The following MTUS2 variants were observed in gnomAD, a reference collection of about 807,000 sequenced individuals.
The protein encoded by MTUS2 is microtubule associated scaffold protein 2, also known as microtubule-associated tumor suppressor candidate 2.
In MTUS2, 40 loss-of-function variants were observed where a neutral mutation model predicts 114.1. The observed-to-expected ratio is 0.35, with a 90% CI of 0.27 to 0.46. MTUS2 has a LOEUF of 0.46. Ranked by LOEUF, MTUS2 falls within the 20% of genes least tolerant of loss-of-function variation. MTUS2 has a pLI of 1.00. For synonymous variants in MTUS2, 688 were observed against 672.0 expected (o/e 1.02, Z -0.37); for missense variants, 1,679 against 1,705.4 (o/e 0.98, Z 0.27).
At chr13:29,002,989 G>A (rs761433028) in intron 2 of MTUS2, among the ~76,000 whole-genome samples, 9 of 152,128 alleles carry the variant, frequency 5.9e-5, no homozygotes, top group African/African-American at 4.8e-5. Context: ...CTCCAATTGC[G>A]CACCAACCCT....
intron 2 of MTUS2, among the ~76,000 whole-genome samples, chr13:29,014,122 C>G (rs1885968391): frequency 6.6e-6 from 1 of 152,106 alleles, no homozygotes. Context: ...TTCTCGCCTC[C>G]CTAACCCAGG....
At chr13:29,403,614 A>G (rs1874518414) in intron 8 of MTUS2, among the ~76,000 whole-genome samples, 2 of 152,340 alleles carry the variant, frequency 1.3e-5, no homozygotes, top group African/African-American at 4.8e-5. Flanking sequence ...AGGCTGAGGA[A>G]GAGAGAACTG....
At chr13:29,045,533 A>T (rs1887574403) in intron 4 of MTUS2, among the ~76,000 whole-genome samples, 1 of 152,174 alleles carries the variant, frequency 6.6e-6, no homozygotes, top group African/African-American at 2.4e-5. Flanking sequence ...CAGGGTATGT[A>T]CATGAAGGGG....
At chr13:29,196,603 T>C (rs1894713856) in intron 5 of MTUS2, among the ~76,000 whole-genome samples, 1 of 152,144 alleles carries the variant, frequency 6.6e-6, no homozygotes, top group Admixed American at 6.6e-5. Flanking sequence ...CTTTTACACA[T>C]GAAACACTAA....
At chr13:28,924,573 G>A (rs542710056) in intron 2 of MTUS2, among the ~76,000 whole-genome samples, 2 of 152,166 alleles carry the variant, frequency 1.3e-5, no homozygotes, top group Non-Finnish European at 2.9e-5. Context: ...AAATCTACGT[G>A]CATAGGGAAT....
rs376683968 is a variant in MTUS2, at chr13:29,380,108, A to G, written c.3117+20635A>G. Among the ~76,000 whole-genome samples, 5 of 152,256 alleles carry G rather than the reference A, an allele frequency of 3.3e-5. No individual in the cohort carries two copies. In the East Asian group the frequency reaches 7.8e-4, roughly 24 times the overall value. On this transcript the variant is annotated intron_variant, in intron 8 of 15. Coordinates refer to ENST00000612955, the MANE Select transcript of MTUS2 (RefSeq NM_001033602.4). ...TGATGAGTGGCAGCACCAGGACTGG[A>G]AGGTGGCTGACTGTCACCCTGTGCT...
At chr13:29,358,472 C>T (rs1375645568) in intron 7 of MTUS2, among the ~76,000 whole-genome samples, 2 of 152,220 alleles carry the variant, frequency 1.3e-5, no homozygotes, top group East Asian at 1.9e-4. Flanking sequence ...AGGGCTTTGC[C>T]GGCCATGGTA....
chr13:29,051,438 T>C (rs1887892178), intron 4 of MTUS2, among the ~76,000 whole-genome samples: 1 of 152,160 alleles, frequency 6.6e-6, no homozygotes, highest in Non-Finnish European at 1.5e-5. Flanking sequence ...GAGGTAATTA[T>C]GAGTCAGGGG....
At chr13:29,182,628 G>A (rs1894054590) in intron 5 of MTUS2, among the ~76,000 whole-genome samples, 1 of 152,192 alleles carries the variant, frequency 6.6e-6, no homozygotes, top group African/African-American at 2.4e-5. Flanking sequence ...AAAAACGTTT[G>A]CCTTTGTCAA....
intron 2 of MTUS2, among the ~76,000 whole-genome samples, chr13:28,912,102 T>C (rs555531036): frequency 4.3e-4 from 66 of 152,216 alleles, no homozygotes; most frequent in African/African-American, 1.5e-3. Context: ...AATGGTATTT[T>C]CTAGGTTTTC....
At chr13:29,477,063 C>T (rs1489803333) in intron 9 of MTUS2, 2 of 152,194 alleles carry the variant, frequency 1.3e-5, no homozygotes, top group Non-Finnish European at 2.9e-5. Flanking sequence ...GAGCACTTTG[C>T]AGACAGGCCC....
At chr13:28,992,513 A>G (rs1484114858) in intron 2 of MTUS2, among the ~76,000 whole-genome samples, 4 of 152,132 alleles carry the variant, frequency 2.6e-5, no homozygotes, top group Non-Finnish European at 5.9e-5. Flanking sequence ...AGGGAGATTT[A>G]CAGCATTGCA....
chr13:29,495,021 C>A (rs564140846), intron 12 of MTUS2, among the ~76,000 whole-genome samples: 1 of 151,430 alleles, frequency 6.6e-6, no homozygotes, highest in East Asian at 2.0e-4. Flanking sequence ...CCTGTCTCTA[C>A]CAAAAATACA....
intron 5 of MTUS2, among the ~76,000 whole-genome samples, chr13:29,258,384 A>G (rs1019167304): frequency 6.6e-6 from 1 of 150,926 alleles, no homozygotes; most frequent in African/African-American, 2.5e-5. Flanking sequence ...TTCCAGGAGG[A>G]AAAAAAAATG....
intron 8 of MTUS2, among the ~76,000 whole-genome samples, chr13:29,406,250 C>T (rs1212990313): frequency 6.6e-6 from 1 of 152,134 alleles, no homozygotes; most frequent in Non-Finnish European, 1.5e-5. Flanking sequence ...ACAACAAACA[C>T]TTACTACCCC....
At chr13:29,261,514 A>T (rs1008325864) in intron 5 of MTUS2, among the ~76,000 whole-genome samples, 4 of 152,210 alleles carry the variant, frequency 2.6e-5, no homozygotes, top group Non-Finnish European at 4.4e-5. Context: ...GCTTCAATAT[A>T]ACTAATCAGA....
intron 4 of MTUS2, among the ~76,000 whole-genome samples, chr13:29,097,959 G>A: frequency 6.6e-6 from 1 of 152,152 alleles, no homozygotes; most frequent in East Asian, 1.9e-4. Flanking sequence ...TCTTTCTTAT[G>A]AGACACTAAG....
rs137979211 is a variant in MTUS2, at chr13:29,147,114, A to G, written c.2644+46144A>G. 3.4e-3 allele frequency among the ~76,000 whole-genome samples: 520 copies of G among 152,316 alleles called. 5 individuals are homozygous for G. The highest frequency in any genetic ancestry group is 0.012 in the African/African-American group (489 of 41,566). On this transcript the variant is annotated intron_variant, in intron 5 of 15. Coordinates refer to ENST00000612955, the MANE Select transcript of MTUS2 (RefSeq NM_001033602.4). ...AAGTCATGTCAAAGCCAAATCAATT[A>G]CTCAGTTCATTCTAAGCCACATTTT...
At chr13:28,875,941 G>T (rs778069691) in intron 2 of MTUS2, among the ~76,000 whole-genome samples, 31 of 152,300 alleles carry the variant, frequency 2.0e-4, no homozygotes, top group Non-Finnish European at 3.4e-4. Flanking sequence ...ATGAGACTTG[G>T]CTGGGTAGCG....
Sources: gnomAD v4.1 joint callset for allele counts (sites outside exome capture counted in the v4.1 genomes callset) on GRCh38, gnomAD v4.1.1 for gene constraint, MANE v1.5 for transcripts, NCBI Gene and HGNC (gene_info 2026-07-23, HGNC 2026-07-21) for gene names.